The following SYNJ1 variants were observed in gnomAD, a reference collection of about 807,000 sequenced individuals.
SYNJ1 encodes the protein polyphosphatidylinositol phosphatase SYNJ1.
Under a neutral mutation model 168.2 loss-of-function variants are expected in SYNJ1, and 78 were observed. The ratio of observed to expected loss-of-function variants is 0.46; its 90% CI spans 0.39 to 0.56. The LOEUF (loss-of-function observed/expected upper bound fraction) is 0.56. Among genes scored for constraint, SYNJ1 ranks in the 20% least tolerant of loss-of-function variants. The pLI, the probability that SYNJ1 is intolerant of heterozygous loss-of-function variation, is 0.00. For missense variants in SYNJ1, 1,303 were observed against 1,597.6 expected, an observed-to-expected ratio of 0.82 and a Z score of 3.14; for synonymous variants, 539 against 548.6, an observed-to-expected ratio of 0.98 and a Z score of 0.24.
intron 14 of SYNJ1, chr21:32,670,637 C>T: frequency 2.4e-6 from 1 of 412,130 alleles, no homozygotes. Flanking sequence ...AAAACTCTTG[C>T]TAAAGTTTTT....
At position 32,630,932 on chromosome 21, in the gene SYNJ1, T is replaced by G; in HGVS notation, c.*873A>C. 6.8e-7 allele frequency: 1 copy of G among 1,461,402 alleles called. No individual in the cohort carries two copies. Among genetic ancestry groups the G allele is most frequent in the South Asian group, 1.4e-5 (1 of 73,866 alleles). 90.5% of individuals were successfully genotyped at this position (1,461,402 alleles called of 1,614,324 possible). A position where few individuals can be genotyped will look rare whatever the true frequency, so the allele number is the denominator to read the frequency against. On this transcript the variant is annotated 3_prime_UTR_variant, in exon 33 of 33. Coordinates refer to ENST00000674351, the MANE Select transcript of SYNJ1 (RefSeq NM_203446.3). ...CTTATTGCACATAATGAAATACTAA[T>G]GCCCAATTCTCTTAGCTCTATCCTG...
At chr21:32,715,405 C>T (rs2042986319) in intron 2 of SYNJ1, among the ~76,000 whole-genome samples, 1 of 151,678 alleles carries the variant, frequency 6.6e-6, no homozygotes, top group South Asian at 2.1e-4. Context: ...ACCCAGGAGG[C>T]TGAGGTTACA....
intron 18 of SYNJ1, among the ~76,000 whole-genome samples, chr21:32,663,465 ATTATAC>A (rs1466059164): frequency 2.6e-5 from 4 of 152,160 alleles, no homozygotes; most frequent in African/African-American, 9.7e-5. Flanking sequence ...CCCCCACTGG[ATTATAC>A]TGTATATGTG....
At chr21:32,653,491 G>T (rs1334715593) in intron 21 of SYNJ1, 125 bp from the exon 22 acceptor site, 2 of 734,210 alleles carry the variant, frequency 2.7e-6, no homozygotes, top group African/African-American at 1.8e-5. Context: ...GTAAAGGAGG[G>T]AGCGCAGGTA....
At chr21:32,720,550 C>G (rs2043183967) in intron 2 of SYNJ1, among the ~76,000 whole-genome samples, 1 of 152,108 alleles carries the variant, frequency 6.6e-6, no homozygotes, top group African/African-American at 2.4e-5. Flanking sequence ...ATAAGGACAA[C>G]TTGGAGGAAA....
chr21:32,689,152 T>C (rs2041934509), intron 6 of SYNJ1, among the ~76,000 whole-genome samples: 1 of 152,200 alleles, frequency 6.6e-6, no homozygotes, highest in South Asian at 2.1e-4. Context: ...AGAAGAAATA[T>C]ATAGGTGAGA....
chr21:32,710,292 ATAT>A (rs1436670656), intron 2 of SYNJ1, among the ~76,000 whole-genome samples: 10 of 152,290 alleles, frequency 6.6e-5, no homozygotes, highest in Non-Finnish European at 1.3e-4. Flanking sequence ...CCATGAGTTG[ATAT>A]TATGGAGGCT....
chr21:32,705,284 A>G, intron 2 of SYNJ1, among the ~76,000 whole-genome samples: 1 of 152,172 alleles, frequency 6.6e-6, no homozygotes, highest in South Asian at 2.1e-4. Flanking sequence ...CTAGCCACTG[A>G]GCAGACCCAG....
At chr21:32,666,816 G>C (rs1387645629) in intron 15 of SYNJ1, among the ~76,000 whole-genome samples, 2 of 151,924 alleles carry the variant, frequency 1.3e-5, no homozygotes, top group Non-Finnish European at 2.9e-5. Flanking sequence ...CTACTCACTG[G>C]GTGAGTAAAT....
Position 32,722,201 on chromosome 21 carries a change from AAAAAATAT to A in SYNJ1, c.124+4563_124+4570del, listed in dbSNP as rs1438265261. ...ACTCCATCTCAAAGAAAAAAAAAAAAAAAAATATATATATATATATATATATATATAAT... is the reference window on the plus strand; with the variant it reads ...ACTCCATCTCAAAGAAAAAAAAAAAAATATATATATATATATATATATAAT... On this transcript the variant is annotated intron_variant, in intron 2 of 32. Transcript: ENST00000674351. 7.8e-3 allele frequency among the ~76,000 whole-genome samples: 885 copies of A among 113,766 alleles called. 6 individuals carry two copies. Among genetic ancestry groups the A allele is most frequent in the African/African-American group, 0.02 (512 of 25,626 alleles). The allele number at this position is 113,766 out of a possible 152,430, so 74.6% of individuals were successfully genotyped here.
At chr21:32,720,259 C>A (rs1425378330) in intron 2 of SYNJ1, among the ~76,000 whole-genome samples, 2 of 152,020 alleles carry the variant, frequency 1.3e-5, no homozygotes, top group Non-Finnish European at 2.9e-5. Context: ...AAAACAAAAA[C>A]AAAAACAACT....
chr21:32,690,144 CAT>C (rs2146123770), intron 6 of SYNJ1, among the ~76,000 whole-genome samples: 1 of 152,238 alleles, frequency 6.6e-6, no homozygotes, highest in East Asian at 1.9e-4. Context: ...TTCCCCAACA[CAT>C]ATATACATTC....
chr21:32,679,988 A>T (rs2041559518), intron 11 of SYNJ1, among the ~76,000 whole-genome samples: 1 of 152,106 alleles, frequency 6.6e-6, no homozygotes, highest in African/African-American at 2.4e-5. Flanking sequence ...TAACCTCTGT[A>T]CATATATTGT....
chr21:32,648,224 C>G (rs1941996485), intron 23 of SYNJ1, among the ~76,000 whole-genome samples: 1 of 152,190 alleles, frequency 6.6e-6, no homozygotes, highest in Non-Finnish European at 1.5e-5. Context: ...CTGTCCCATC[C>G]AAAACCACCA....
chr21:32,641,038 G>C (rs529354896), intron 29 of SYNJ1, among the ~76,000 whole-genome samples: 10 of 152,244 alleles, frequency 6.6e-5, no homozygotes, highest in Non-Finnish European at 1.3e-4. Context: ...TATTTGAAGA[G>C]TAATATTACA....
chr21:32,724,115 A>C (rs1283767669), intron 2 of SYNJ1, among the ~76,000 whole-genome samples: 2 of 151,498 alleles, frequency 1.3e-5, no homozygotes, highest in Non-Finnish European at 3.0e-5. Context: ...AAAGGAGATC[A>C]ACACTGGACA....
At chr21:32,676,672 T>C (rs2041422987) in intron 12 of SYNJ1, among the ~76,000 whole-genome samples, 1 of 152,188 alleles carries the variant, frequency 6.6e-6, no homozygotes, top group Non-Finnish European at 1.5e-5. Context: ...GAGAATATTA[T>C]GAATATAAAT....
chr21:32,634,800 CAT>C, intron 32 of SYNJ1, 59 bp downstream of exon 32: 1 of 1,563,842 alleles, frequency 6.4e-7, no homozygotes, highest in East Asian at 2.3e-5. Context: ...AGCAGAGATT[CAT>C]ACATCTAATG....
intron 6 of SYNJ1, among the ~76,000 whole-genome samples, chr21:32,691,255 G>A (rs2042016793): frequency 6.6e-6 from 1 of 152,142 alleles, no homozygotes; most frequent in African/African-American, 2.4e-5. Context: ...GAGTTCTCAT[G>A]AGATCTGGTT....
Sources: allele counts gnomAD v4.1 joint callset (sites outside exome capture counted in the v4.1 genomes callset), GRCh38; gene constraint gnomAD v4.1.1; transcripts MANE v1.5; gene names NCBI Gene and HGNC (gene_info 2026-07-23, HGNC 2026-07-21).